FSCN1: variants seen among roughly 807,000 people sequenced by gnomAD.
The protein encoded by FSCN1 is fascin.
Under a neutral mutation model 39.7 loss-of-function variants are expected in FSCN1, and 10 were observed. The observed-to-expected ratio is 0.25, with a 90% CI of 0.16 to 0.43. The LOEUF (loss-of-function observed/expected upper bound fraction) is 0.43. Ranked by LOEUF, FSCN1 falls within the 20% of genes least tolerant of loss-of-function variation. The probability of loss-of-function intolerance (pLI) is 1.00; values close to 1 mark genes in which losing one functional copy is unlikely to be tolerated. For synonymous variants in FSCN1, 322 were observed against 320.0 expected (o/e 1.01, Z -0.07); for missense variants, 525 against 723.8 (o/e 0.73, Z 3.15).
chr7:5,596,388 C>T (rs1432902125), intron 1 of FSCN1, among the ~76,000 whole-genome samples: 3 of 152,244 alleles, frequency 2.0e-5, no homozygotes, highest in Non-Finnish European at 4.4e-5. Context: ...GTTTCCCCAT[C>T]TGTAAAGTGT....
At chr7:5,595,372 C>A (rs141866974) in intron 1 of FSCN1, among the ~76,000 whole-genome samples, 141 of 152,348 alleles carry the variant, frequency 9.3e-4, no homozygotes, top group African/African-American at 3.2e-3. Context: ...GCTCCAGAAA[C>A]CCCGTTTCCT....
At chr7:5,595,585 G>A (rs150652784) in intron 1 of FSCN1, among the ~76,000 whole-genome samples, 100 of 152,360 alleles carry the variant, frequency 6.6e-4, no homozygotes, top group African/African-American at 2.3e-3. Context: ...CTGGCCTGAA[G>A]GATGAATAGA....
At chr7:5,600,065 G>T (rs1358524175) in intron 1 of FSCN1, among the ~76,000 whole-genome samples, 1 of 152,180 alleles carries the variant, frequency 6.6e-6, no homozygotes, top group Non-Finnish European at 1.5e-5. Flanking sequence ...CCCACCTCCA[G>T]GTTTTAGCTG....
In FSCN1 at chr7:5,606,567, TGTAA is replaced by T. The variant is rs1785938028; in HGVS notation, c.*1096_*1099del. The T allele has an allele frequency of 1.3e-5, 2 of 152,170 alleles. No individual in the cohort carries two copies. The highest frequency in any genetic ancestry group is 4.8e-5 in the African/African-American group (2 of 41,412). The allele number at this position is 152,170 out of a possible 1,614,324, so 9.4% of individuals were successfully genotyped here. On this transcript the variant is annotated 3_prime_UTR_variant, in exon 5 of 5. Coordinates refer to ENST00000382361, the MANE Select transcript of FSCN1 (RefSeq NM_003088.4). This position sits in a 1 kb window ranked among gnomAD's most constrained non-coding sequence, Gnocchi z 5.1. ...CTGGGTGTCTTGGTCTTTTATTTTT[TGTAA>T]GTGTCATTTGTATAACTCTAAACGC...
At chr7:5,604,160 G>A (rs1446208781) in intron 4 of FSCN1, 130 bp downstream of exon 4, 1 of 810,414 alleles carries the variant, frequency 1.2e-6, no homozygotes. Context: ...GGCCCTAAAG[G>A]GACAGGTGTC....
intron 1 of FSCN1, 112 bp downstream of exon 1, chr7:5,593,880 C>T: frequency 1.3e-6 from 1 of 759,610 alleles, no homozygotes; most frequent in Non-Finnish European, 2.0e-6. Flanking sequence ...CGGTCCGGAG[C>T]ACTGCCCATT....
chr7:5,604,143 C>G, intron 4 of FSCN1, 113 bp downstream of exon 4: 1 of 967,702 alleles, frequency 1.0e-6, no homozygotes, highest in South Asian at 1.6e-5. Context: ...GGCTCAGGGC[C>G]ATTCCAGGCC....
rs1333656194 is a variant in FSCN1, at chr7:5,593,507, G to T, written c.571G>T (p.Ala191Ser). The T allele has an allele frequency of 3.7e-6, 6 of 1,606,438 alleles. No homozygotes were observed. In the Admixed American group the frequency reaches 1.0e-4, roughly 27 times the overall value. Residue 191 changes from alanine to serine, a missense_variant, in exon 1 of 5, where the codon GCC becomes TCC. Ala to Ser is a moderately conservative substitution (Grantham distance 99). This residue lies in a region of FSCN1 where 246 missense variants were observed against 350.6 expected (regional missense o/e 0.70). Transcript: ENST00000382361. ...FQDQRYSVQT[A>S]DHRFLRHDGR... ...GGACCAGCGCTACAGCGTGCAGACC[G>T]CCGACCACCGCTTCCTGCGCCACGA...
chr7:5,600,685 G>T (rs1237765984), intron 1 of FSCN1, among the ~76,000 whole-genome samples: 3 of 149,430 alleles, frequency 2.0e-5, no homozygotes, highest in South Asian at 4.3e-4. Context: ...ACAGAGTCTC[G>T]CATTGTCGCC....
chr7:5,603,447 A>G lies in FSCN1; in HGVS notation c.989+34A>G. Reference sequence around the variant, plus strand: ...CTCGCTCCCACCTGTCACCGCCCCCACCACCTTGCCTGGGCTACCCCGCCT... The same window carrying G: ...CTCGCTCCCACCTGTCACCGCCCCCGCCACCTTGCCTGGGCTACCCCGCCT... On this transcript the variant is annotated intron_variant, in intron 2 of 4. Coordinates refer to ENST00000382361, the MANE Select transcript of FSCN1 (RefSeq NM_003088.4). The surrounding 1 kb of genome is among the most constrained non-coding windows in gnomAD (Gnocchi z 8.5). The G allele has an allele frequency of 6.2e-7, 1 of 1,613,698 alleles. No individual in the cohort carries two copies. The highest frequency in any genetic ancestry group is 8.5e-7 in the Non-Finnish European group (1 of 1,179,918).
chr7:5,602,207 C>CCT (rs1451057228), intron 1 of FSCN1, among the ~76,000 whole-genome samples: 33 of 132,220 alleles, frequency 2.5e-4, no homozygotes, highest in South Asian at 5.1e-4. Context: ...TGCCTGGCCC[C>CCT]TTTTTTTTTT....
At chr7:5,604,473 G>T (rs1358965979) in intron 4 of FSCN1, among the ~76,000 whole-genome samples, 1 of 151,098 alleles carries the variant, frequency 6.6e-6, no homozygotes, top group Non-Finnish European at 1.5e-5. Flanking sequence ...TCAGAACATG[G>T]TTTTTTTGTT....
chr7:5,594,089 C>T (rs1785685211), intron 1 of FSCN1: 1 of 346,840 alleles, frequency 2.9e-6, no homozygotes, highest in East Asian at 5.2e-5. Flanking sequence ...GCGCGCTGAT[C>T]CCTCGGATCA....
At chr7:5,593,929 G>A in intron 1 of FSCN1, 161 bp downstream of exon 1, 3 of 587,718 alleles carry the variant, frequency 5.1e-6, no homozygotes, top group Non-Finnish European at 5.9e-6. Context: ...CGCCTGGAGG[G>A]GGCGAGGAGT....
chr7:5,604,255 C>CA (rs1419048029), intron 4 of FSCN1, among the ~76,000 whole-genome samples: 1 of 145,788 alleles, frequency 6.9e-6, no homozygotes, highest in Non-Finnish European at 1.5e-5. Context: ...GCCCACCTGA[C>CA]AGAGAGGTGT....
rs1785924739 is a variant in FSCN1, at chr7:5,605,853, CTG to C, written c.*380_*381del. On this transcript the variant is annotated 3_prime_UTR_variant, in exon 5 of 5. Transcript: ENST00000382361. This position sits in a 1 kb window ranked among gnomAD's most constrained non-coding sequence, Gnocchi z 6.9. ...TGGGAGCCCTGGGCGTGTAGTGTAACTGGAATCTTTTGCCTCTCCCAGCCACC... is the reference window on the plus strand; with the variant it reads ...TGGGAGCCCTGGGCGTGTAGTGTAACGAATCTTTTGCCTCTCCCAGCCACC... 1 of 190,456 alleles carries C rather than the reference CTG, an allele frequency of 5.3e-6. No individual in the cohort carries two copies. Among genetic ancestry groups the C allele is most frequent in the South Asian group, 1.2e-4 (1 of 8,116 alleles). 11.8% of individuals were successfully genotyped at this position (190,456 alleles called of 1,614,324 possible).
chr7:5,593,774 TG>T lies in FSCN1; in HGVS notation c.832+10del, dbSNP rs776638361. On this transcript the variant is annotated splice_region_variant and intron_variant, in intron 1 of 4. Transcript: ENST00000382361. Reference sequence around the variant, plus strand: ...GAACGTGTCCACGCGCCAGGGTGAGTGGGGACGCTGCCCCCGCCTCTCCTGG... The same window carrying T: ...GAACGTGTCCACGCGCCAGGGTGAGTGGGACGCTGCCCCCGCCTCTCCTGG... The T allele has an allele frequency of 8.5e-6, 13 of 1,527,278 alleles. No homozygotes were observed. The South Asian group carries it at 1.5e-4, about 18-fold the overall frequency. The allele number at this position is 1,527,278 out of a possible 1,614,324, so 94.6% of individuals were successfully genotyped here. A position where few individuals can be genotyped will look rare whatever the true frequency, so the allele number is the denominator to read the frequency against.
In FSCN1 at chr7:5,604,697, G is replaced by A. The variant is rs371808573; in HGVS notation, c.1280-575G>A. The stretch of plus-strand genomic sequence containing the variant: ...GAGACCCAGTCTGGAGTGCAGTGGC[G>A]TTATCTCGGCTCTCTGCAACCTCTG... On this transcript the variant is annotated intron_variant, in intron 4 of 4. Coordinates refer to ENST00000382361, the MANE Select transcript of FSCN1 (RefSeq NM_003088.4). Among the ~76,000 whole-genome samples, 30 of 151,946 alleles carry A rather than the reference G, an allele frequency of 2.0e-4. No individual in the cohort carries two copies. The East Asian group carries it at 4.3e-3, about 22-fold the overall frequency.
chr7:5,593,853 C>A (rs966481586), intron 1 of FSCN1, 85 bp downstream of exon 1: 9 of 944,730 alleles, frequency 9.5e-6, no homozygotes, highest in Non-Finnish European at 1.4e-5. Context: ...CGCCCTTTCT[C>A]GCTCGCGGCG....
Sources: gnomAD v4.1 joint callset for allele counts (sites outside exome capture counted in the v4.1 genomes callset) on GRCh38, gnomAD v4.1.1 for gene constraint, gnomAD v4.1.1 regional missense constraint, Gnocchi (gnomAD v3.1) non-coding constraint, MANE v1.5 for transcripts, NCBI Gene and HGNC (gene_info 2026-07-23, HGNC 2026-07-21) for gene names.